Variants in SEC61A1 observed in about 807,000 individuals in gnomAD.
SEC61A1 encodes the protein protein transport protein Sec61 subunit alpha isoform 1.
In SEC61A1, 15 loss-of-function variants were observed where a neutral mutation model predicts 55.2. That is an observed-to-expected ratio of 0.27 (90% CI 0.18 to 0.42). The LOEUF is 0.42. Among genes scored for constraint, SEC61A1 ranks in the 10% least tolerant of loss-of-function variants. The pLI is 1.00. For missense variants in SEC61A1, 284 were observed against 602.6 expected (o/e 0.47, Z 5.53); for synonymous variants, 247 against 234.0 (o/e 1.06, Z -0.51).
intron 5 of SEC61A1, among the ~76,000 whole-genome samples, chr3:128,059,442 C>T (rs1941822553): frequency 6.6e-6 from 1 of 150,938 alleles, no homozygotes; most frequent in Non-Finnish European, 1.5e-5. Context: ...CACCGTACTC[C>T]AGCCTGGGCG....
intron 7 of SEC61A1, among the ~76,000 whole-genome samples, chr3:128,063,277 A>G (rs1434934796): frequency 6.6e-6 from 1 of 152,130 alleles, no homozygotes; most frequent in East Asian, 1.9e-4. Flanking sequence ...CAGCTTTCCT[A>G]TTTAATCTGT....
At position 128,069,733 on chromosome 3, in the gene SEC61A1, GTGC is replaced by G. The variant is rs1942099700; in HGVS notation, c.*78_*80del. On this transcript the variant is annotated 3_prime_UTR_variant, in exon 12 of 12. Transcript: ENST00000243253. ...GGAAGGGGAGCTCTCATCATGGCGCGTGCTGCTGCGGCATATGGACTTTTAATA... is the reference window on the plus strand; with the variant it reads ...GGAAGGGGAGCTCTCATCATGGCGCGTGCTGCGGCATATGGACTTTTAATA... The G allele has an allele frequency of 1.6e-6, 2 of 1,287,098 alleles. No individual in the cohort carries two copies. Among genetic ancestry groups the G allele is most frequent in the Non-Finnish European group, 2.2e-6 (2 of 899,812 alleles). 79.7% of individuals were successfully genotyped at this position (1,287,098 alleles called of 1,614,324 possible).
At chr3:128,056,879 A>G in intron 5 of SEC61A1, 39 bp downstream of exon 5, 1 of 1,415,536 alleles carries the variant, frequency 7.1e-7, no homozygotes, top group East Asian at 2.6e-5. Flanking sequence ...CTATAGTTGG[A>G]AAATTTGAAT....
Position 128,067,211 on chromosome 3 carries a change from G to A in SEC61A1, c.975+60G>A. ...AGCTAAGTTGCAGTGGTTTCTATCA[G>A]TGTCTTGCTCATGAACAGATATTTC... On this transcript the variant is annotated intron_variant, in intron 9 of 11. Coordinates refer to ENST00000243253, the MANE Select transcript of SEC61A1 (RefSeq NM_013336.4). This position sits in a 1 kb window ranked among gnomAD's most constrained non-coding sequence, Gnocchi z 4.1. The A allele has an allele frequency of 6.7e-7, 1 of 1,497,792 alleles. No individual in the cohort carries two copies. The highest frequency in any genetic ancestry group is 9.3e-7 in the Non-Finnish European group (1 of 1,075,042). 92.8% of individuals were successfully genotyped at this position (1,497,792 alleles called of 1,614,324 possible). A position where few individuals can be genotyped will look rare whatever the true frequency, so the allele number is the denominator to read the frequency against.
intron 7 of SEC61A1, among the ~76,000 whole-genome samples, chr3:128,063,630 C>T (rs1429155500): frequency 3.3e-5 from 5 of 152,180 alleles, no homozygotes; most frequent in African/African-American, 1.2e-4. Context: ...CCACCACGCC[C>T]GACTCCTATT....
chr3:128,052,316 G>GCGCGGCGCGGCGAAGCA (rs1559793219), upstream of SEC61A1: 64 of 364,014 alleles, frequency 1.8e-4, no homozygotes, highest in Non-Finnish European at 2.1e-4. Context: ...TCGGCGAAGC[G>GCGCGGCGCGGCGAAGCA]GCGCGGCGCG....
chr3:128,069,654 C>G lies in SEC61A1; in HGVS notation c.1423C>G (p.Leu475Val), dbSNP rs1942095641. The G allele has an allele frequency of 6.2e-7, 1 of 1,613,896 alleles. No individual in the cohort carries two copies. The highest frequency in any genetic ancestry group is 1.3e-5 in the African/African-American group (1 of 74,934). The change falls in exon 12 of 12, where the codon CTC (leucine) becomes GTC (valine). Residue 475 changes from leucine (L) to valine (V), a missense_variant. Transcript: ENST00000243253. ...QSEVGSMGAL[L>V]F ...CGAGGTTGGCAGCATGGGGGCCCTGCTCTTCTGAGCCCGTCTCCCGGACAG... is the reference window on the plus strand; with the variant it reads ...CGAGGTTGGCAGCATGGGGGCCCTGGTCTTCTGAGCCCGTCTCCCGGACAG...
Position 128,067,224 on chromosome 3 carries a change from G to A in SEC61A1, c.975+73G>A. 7.1e-7 allele frequency: 1 copy of A among 1,417,898 alleles called. No homozygotes were observed. Among genetic ancestry groups the A allele is most frequent in the Non-Finnish European group, 9.9e-7 (1 of 1,008,382 alleles). 87.8% of individuals were successfully genotyped at this position (1,417,898 alleles called of 1,614,324 possible). A position where few individuals can be genotyped will look rare whatever the true frequency, so the allele number is the denominator to read the frequency against. ...TGGTTTCTATCAGTGTCTTGCTCAT[G>A]AACAGATATTTCATCCAAAGATATT... is the stretch of plus-strand genomic sequence containing the variant. On this transcript the variant is annotated intron_variant, in intron 9 of 11. Coordinates refer to ENST00000243253, the MANE Select transcript of SEC61A1 (RefSeq NM_013336.4). This position sits in a 1 kb window ranked among gnomAD's most constrained non-coding sequence, Gnocchi z 4.1.
At chr3:128,058,414 TAGTC>T (rs1015828181) in intron 5 of SEC61A1, among the ~76,000 whole-genome samples, 8 of 152,152 alleles carry the variant, frequency 5.3e-5, no homozygotes, top group Middle Eastern at 3.4e-3. Context: ...TTCACTGTGT[TAGTC>T]AGGATGGTCT....
At chr3:128,053,570 C>T (rs1488490892) in intron 2 of SEC61A1, among the ~76,000 whole-genome samples, 1 of 152,198 alleles carries the variant, frequency 6.6e-6, no homozygotes, top group Non-Finnish European at 1.5e-5. Flanking sequence ...TGTTTGTGTC[C>T]TCACATTATT....
At chr3:128,065,398 G>A (rs1029866374) in intron 8 of SEC61A1, 4 of 543,672 alleles carry the variant, frequency 7.4e-6, no homozygotes, top group African/African-American at 1.9e-5. Flanking sequence ...ATATTTATAG[G>A]TAACTTCTGC....
At chr3:128,066,052 A>T (rs1455695636) in intron 8 of SEC61A1, among the ~76,000 whole-genome samples, 1 of 152,030 alleles carries the variant, frequency 6.6e-6, no homozygotes, top group Non-Finnish European at 1.5e-5. Flanking sequence ...TTAAGTATTT[A>T]ATTTTTAAAT....
At position 128,064,858 on chromosome 3, in the gene SEC61A1, TCTC is replaced by T. The variant is rs775538415; in HGVS notation, c.617-12_617-10del. ...TTGCCTGTTCGTTCCTTCATATATG[TCTC>T]CTCCTCTGCCAACAGGAATGGAATT... is the stretch of plus-strand genomic sequence containing the variant. On this transcript the variant is annotated splice_polypyrimidine_tract_variant and intron_variant, in intron 7 of 11. Coordinates refer to ENST00000243253, the MANE Select transcript of SEC61A1 (RefSeq NM_013336.4). 222 of 1,574,300 alleles carry T rather than the reference TCTC, an allele frequency of 1.4e-4. No individual in the cohort carries two copies. The highest frequency in any genetic ancestry group is 1.8e-4 in the Non-Finnish European group (205 of 1,160,050).
intron 4 of SEC61A1, 117 bp downstream of exon 4, chr3:128,055,868 G>A (rs1941762395): frequency 1.2e-6 from 1 of 838,928 alleles, no homozygotes; most frequent in African/African-American, 1.7e-5. Context: ...AAAATAGAGT[G>A]AAGAATGTTA....
chr3:128,051,663 C>T, upstream of SEC61A1: 7 of 1,423,452 alleles, frequency 4.9e-6, no homozygotes, highest in Non-Finnish European at 6.4e-6. Flanking sequence ...ATGCTTTGCC[C>T]ACAACAGTCT....
chr3:128,052,783 A>T, intron 1 of SEC61A1, 52 bp from the exon 2 acceptor site: 1 of 1,567,488 alleles, frequency 6.4e-7, no homozygotes, highest in Admixed American at 1.7e-5. Context: ...GGTAGCGCGG[A>T]AGGTTACTTC....
At chr3:128,052,670 G>A (rs1384136730) in intron 1 of SEC61A1, 111 bp downstream of exon 1, 2 of 1,532,372 alleles carry the variant, frequency 1.3e-6, no homozygotes, top group African/African-American at 2.8e-5. Context: ...CCTGCAGAAC[G>A]CGGCCCGTGC....
At chr3:128,065,944 G>T (rs933894847) in intron 8 of SEC61A1, among the ~76,000 whole-genome samples, 3 of 151,680 alleles carry the variant, frequency 2.0e-5, no homozygotes, top group African/African-American at 7.3e-5. Context: ...GGGTTTCACC[G>T]TGTTAGCCAG....
In SEC61A1 at chr3:128,052,454, A is replaced by C; in HGVS notation, c.-99A>C. ...CTAGCACTGACGTGTCTCTCGGCGG[A>C]GCTGCTGTGCAGTGGAACGCGCTGG... On this transcript the variant is annotated 5_prime_UTR_variant, in exon 1 of 12. Coordinates refer to ENST00000243253, the MANE Select transcript of SEC61A1 (RefSeq NM_013336.4). 6 of 1,462,620 alleles carry C rather than the reference A, an allele frequency of 4.1e-6. No individual in the cohort carries two copies. The highest frequency in any genetic ancestry group is 5.4e-6 in the Non-Finnish European group (6 of 1,105,490). The allele number at this position is 1,462,620 out of a possible 1,614,324, so 90.6% of individuals were successfully genotyped here. A position where few individuals can be genotyped will look rare whatever the true frequency, so the allele number is the denominator to read the frequency against.
Sources: gnomAD v4.1 joint callset for allele counts (sites outside exome capture counted in the v4.1 genomes callset) on GRCh38, gnomAD v4.1.1 for gene constraint, Gnocchi (gnomAD v3.1) non-coding constraint, MANE v1.5 for transcripts, NCBI Gene and HGNC (gene_info 2026-07-23, HGNC 2026-07-21) for gene names.